The following RBFOX2 variants were observed in gnomAD, a reference collection of about 807,000 sequenced individuals.
RBFOX2 encodes the protein RNA binding protein fox-1 homolog 2.
Under a neutral mutation model 49.1 loss-of-function variants are expected in RBFOX2, and 10 were observed. The observed-to-expected ratio is 0.20, with a 90% CI of 0.13 to 0.35. The LOEUF (loss-of-function observed/expected upper bound fraction) is 0.35, where lower values mean the gene tolerates loss of function less well. RBFOX2 is among the 10% of genes least tolerant of loss of function. The probability of loss-of-function intolerance (pLI) is 1.00; values close to 1 mark genes in which losing one functional copy is unlikely to be tolerated. For synonymous variants in RBFOX2, 183 were observed against 187.4 expected (o/e 0.98, Z 0.19); for missense variants, 323 against 486.9 (o/e 0.66, Z 3.17).
chr22:35,975,080 T>C lies in RBFOX2; in HGVS notation c.187-36183A>G, dbSNP rs142421496. On this transcript the variant is annotated intron_variant, in intron 1 of 13. Coordinates refer to the RBFOX2 transcript ENST00000438146. ...CTTTTGTAAAGTGTAGTAAAATGAA[T>C]TATTAGAAAAACGAAATTTTAAAAA... is the stretch of plus-strand genomic sequence containing the variant. Among the ~76,000 whole-genome samples the C allele has an allele frequency of 1.5e-3, 231 of 152,334 alleles. 1 individual carries two copies. Among genetic ancestry groups the C allele is most frequent in the African/African-American group, 5.4e-3 (226 of 41,592 alleles).
At chr22:35,936,653 T>C (rs2053108889) in intron 1 of RBFOX2, among the ~76,000 whole-genome samples, 2 of 152,076 alleles carry the variant, frequency 1.3e-5, no homozygotes, top group African/African-American at 4.8e-5. Flanking sequence ...TCAGCAGCTT[T>C]AAACCATGGC....
intron 1 of RBFOX2, among the ~76,000 whole-genome samples, chr22:36,019,695 T>A (rs542179275): frequency 1.3e-5 from 2 of 152,324 alleles, no homozygotes; most frequent in African/African-American, 4.8e-5. Flanking sequence ...TACACCATAT[T>A]TCAAGTATAT....
intron 2 of RBFOX2, among the ~76,000 whole-genome samples, chr22:35,783,337 C>T (rs746582009): frequency 2.6e-5 from 4 of 152,216 alleles, no homozygotes; most frequent in East Asian, 3.8e-4. Flanking sequence ...TGCCTTTCCA[C>T]GTGGCTTTTA....
chr22:35,827,409 TC>T (rs1444532561), intron 1 of RBFOX2, among the ~76,000 whole-genome samples: 1 of 152,228 alleles, frequency 6.6e-6, no homozygotes, highest in East Asian at 1.9e-4. Context: ...ACTCTGTTTT[TC>T]CTGTGTTCTT....
At chr22:35,930,014 G>T (rs934316489) in intron 1 of RBFOX2, among the ~76,000 whole-genome samples, 4 of 145,034 alleles carry the variant, frequency 2.8e-5, no homozygotes, top group African/African-American at 7.7e-5. Context: ...CATCTTAATA[G>T]AACTTTTTTT....
chr22:35,895,126 G>A (rs2047686021), intron 1 of RBFOX2, among the ~76,000 whole-genome samples: 1 of 151,210 alleles, frequency 6.6e-6, no homozygotes, highest in African/African-American at 2.4e-5. Flanking sequence ...TCCCAGCTCT[G>A]AGTATCTGAA....
At chr22:35,908,113 C>A (rs879888214) in intron 1 of RBFOX2, among the ~76,000 whole-genome samples, 1 of 152,136 alleles carries the variant, frequency 6.6e-6, no homozygotes, top group Non-Finnish European at 1.5e-5. Flanking sequence ...CATAACTATT[C>A]CACACCAAAA....
At chr22:36,014,761 C>T (rs1242949851) in intron 1 of RBFOX2, among the ~76,000 whole-genome samples, 2 of 152,176 alleles carry the variant, frequency 1.3e-5, no homozygotes, top group Non-Finnish European at 2.9e-5. Flanking sequence ...GAAAATTGCG[C>T]ATGCACACAC....
chr22:35,925,264 A>G (rs1254932346), intron 1 of RBFOX2, among the ~76,000 whole-genome samples: 1 of 152,176 alleles, frequency 6.6e-6, no homozygotes. Context: ...CACACCTGTA[A>G]TCCCAACACT....
intron 4 of RBFOX2, among the ~76,000 whole-genome samples, chr22:35,776,110 C>T (rs916230878): frequency 3.3e-5 from 5 of 152,100 alleles, no homozygotes; most frequent in African/African-American, 1.2e-4. Flanking sequence ...TAGTAGTTTA[C>T]AGAGTGGCCA....
At chr22:35,860,295 G>A (rs1037432599) in intron 1 of RBFOX2, among the ~76,000 whole-genome samples, 5 of 152,128 alleles carry the variant, frequency 3.3e-5, no homozygotes, top group Non-Finnish European at 7.3e-5. Context: ...AAGTGTGAAG[G>A]ACGAGAGCAA....
intron 2 of RBFOX2, among the ~76,000 whole-genome samples, chr22:35,806,294 A>AG (rs1336487136): frequency 6.6e-6 from 1 of 152,092 alleles, no homozygotes; most frequent in Non-Finnish European, 1.5e-5. Context: ...GCTCTAAAAA[A>AG]GGAGATCTTA....
chr22:35,793,163 G>A (rs1278363861), intron 2 of RBFOX2, among the ~76,000 whole-genome samples: 1 of 152,138 alleles, frequency 6.6e-6, no homozygotes, highest in African/African-American at 2.4e-5. Flanking sequence ...CCTGAGGTCA[G>A]GAGTTCGAGA....
At chr22:35,795,257 T>C (rs1245366130) in intron 2 of RBFOX2, among the ~76,000 whole-genome samples, 1 of 152,024 alleles carries the variant, frequency 6.6e-6, no homozygotes, top group African/African-American at 2.4e-5. Flanking sequence ...GAGGGAAAAA[T>C]AAGAGCCACT....
intron 1 of RBFOX2, among the ~76,000 whole-genome samples, chr22:35,979,458 T>C (rs998608007): frequency 2.6e-5 from 4 of 152,144 alleles, no homozygotes; most frequent in South Asian, 2.1e-4. Flanking sequence ...GGAATACACA[T>C]TGAAGTGTTT....
Position 36,026,541 on chromosome 22 carries a change from T to TACAGACATAC in RBFOX2, c.186+1698_186+1699insGTATGTCTGT, listed in dbSNP as rs5845246. 5.6e-3 allele frequency among the ~76,000 whole-genome samples: 768 copies of TACAGACATAC among 136,622 alleles called. 7 individuals carry two copies. Among genetic ancestry groups the TACAGACATAC allele is most frequent in the Middle Eastern group, 0.018 (5 of 276 alleles). 89.6% of individuals were successfully genotyped at this position (136,622 alleles called of 152,430 possible). On this transcript the variant is annotated intron_variant, in intron 1 of 13. Coordinates refer to the RBFOX2 transcript ENST00000438146. The stretch of plus-strand genomic sequence containing the variant: ...TTGACAGAAATGATAAATGAATACA[T>TACAGACATAC]ACACACACACACACACACACACACA...
chr22:35,795,257 T>G (rs1245366130), intron 2 of RBFOX2, among the ~76,000 whole-genome samples: 1 of 152,024 alleles, frequency 6.6e-6, no homozygotes, highest in Non-Finnish European at 1.5e-5. Flanking sequence ...GAGGGAAAAA[T>G]AAGAGCCACT....
At chr22:35,954,517 A>G (rs1013963362) in intron 1 of RBFOX2, among the ~76,000 whole-genome samples, 2 of 152,202 alleles carry the variant, frequency 1.3e-5, no homozygotes, top group African/African-American at 4.8e-5. Flanking sequence ...GCTAAGAGCT[A>G]GCCTCCATCC....
chr22:35,944,721 T>C (rs1321698176), intron 1 of RBFOX2, among the ~76,000 whole-genome samples: 2 of 151,854 alleles, frequency 1.3e-5, no homozygotes, highest in Non-Finnish European at 2.9e-5. Context: ...TTGCTGAGAG[T>C]TGGCTATGAG....
Sources: allele counts gnomAD v4.1 joint callset (sites outside exome capture counted in the v4.1 genomes callset), GRCh38; gene constraint gnomAD v4.1.1; transcripts MANE v1.5; gene names NCBI Gene and HGNC (gene_info 2026-07-23, HGNC 2026-07-21).